The following RASAL2 variants were observed in gnomAD, a reference collection of about 807,000 sequenced individuals.
The protein encoded by RASAL2 is ras GTPase-activating protein nGAP.
RASAL2 carries 58 observed loss-of-function variants against 128.9 expected under a neutral mutation model. The observed-to-expected ratio is 0.45, with a 90% CI of 0.36 to 0.56. The LOEUF (loss-of-function observed/expected upper bound fraction) is 0.56. Ranked by LOEUF, RASAL2 falls within the 20% of genes least tolerant of loss-of-function variation. RASAL2 has a pLI of 0.00. For missense variants in RASAL2, 1,360 were observed against 1,601.6 expected, an observed-to-expected ratio of 0.85 and a Z score of 2.57; for synonymous variants, 561 against 580.8, an observed-to-expected ratio of 0.97 and a Z score of 0.49.
intron 1 of RASAL2, among the ~76,000 whole-genome samples, chr1:178,211,913 T>C (rs1663268920): frequency 6.6e-6 from 1 of 152,226 alleles, no homozygotes; most frequent in Non-Finnish European, 1.5e-5. Context: ...GAATGCATTG[T>C]TTTTTATCCC....
intron 3 of RASAL2, among the ~76,000 whole-genome samples, chr1:178,334,545 G>A (rs745682391): frequency 1.3e-5 from 2 of 151,948 alleles, no homozygotes; most frequent in African/African-American, 4.8e-5. Context: ...GGTTCACCAT[G>A]TTGGCCAGGC....
At chr1:178,358,134 A>T (rs1670904954) in intron 3 of RASAL2, among the ~76,000 whole-genome samples, 1 of 150,670 alleles carries the variant, frequency 6.6e-6, no homozygotes, top group Non-Finnish European at 1.5e-5. Flanking sequence ...TACTCAGGAG[A>T]CCAAGGCACA....
chr1:178,404,225 CA>C (rs547639078), intron 4 of RASAL2, among the ~76,000 whole-genome samples: 5,456 of 57,126 alleles, frequency 0.096, 67 homozygotes, highest in Non-Finnish European at 0.13. Flanking sequence ...GACCCCGTCT[CA>C]AAAAAAAAAA....
intron 3 of RASAL2, among the ~76,000 whole-genome samples, chr1:178,300,582 A>G (rs1244893544): frequency 1.3e-5 from 2 of 152,218 alleles, no homozygotes; most frequent in Non-Finnish European, 2.9e-5. Context: ...TGCATGTCTC[A>G]TAAAAGTCAT....
intron 1 of RASAL2, among the ~76,000 whole-genome samples, chr1:178,229,477 C>CTT (rs575547698): frequency 6.9e-6 from 1 of 145,072 alleles, no homozygotes. Flanking sequence ...TTTTGTAGAA[C>CTT]TTTTTTTTTT....
chr1:178,288,646 T>C (rs1460412623), intron 2 of RASAL2, among the ~76,000 whole-genome samples: 71 of 101,786 alleles, frequency 7.0e-4, no homozygotes, highest in African/African-American at 2.8e-3. Flanking sequence ...CTCTCTCTTT[T>C]TTTTTTTTTT....
intron 16 of RASAL2, among the ~76,000 whole-genome samples, chr1:178,466,893 A>G (rs1445346064): frequency 1.3e-5 from 2 of 152,226 alleles, no homozygotes; most frequent in African/African-American, 2.4e-5. Context: ...TTAAACATCA[A>G]TGAGTTAAGA....
In RASAL2 at chr1:178,470,742, C is replaced by G. The variant is rs149343698; in HGVS notation, c.3679-2333C>G. The G allele has an allele frequency of 1.2e-3, 1,665 of 1,364,118 alleles. 13 individuals are homozygous for G. The African/African-American group carries it at 0.022, about 18-fold the overall frequency. 84.5% of individuals were successfully genotyped at this position (1,364,118 alleles called of 1,614,324 possible). A position where few individuals can be genotyped will look rare whatever the true frequency, so the allele number is the denominator to read the frequency against. ...CAAACAGGCAAGTAAACCCCGCGTC[C>G]GTTCTCTAGCTGAGCAGTTCCCAGC... On this transcript the variant is annotated intron_variant, in intron 17 of 17. Transcript: ENST00000367649.
intron 1 of RASAL2, among the ~76,000 whole-genome samples, chr1:178,135,531 C>T (rs954747908): frequency 7.2e-6 from 1 of 138,846 alleles, no homozygotes; most frequent in East Asian, 2.1e-4. Flanking sequence ...TTTCCGAATA[C>T]GTAGTAGCTG....
At chr1:178,277,201 G>A (rs1286867115) in intron 1 of RASAL2, among the ~76,000 whole-genome samples, 1 of 146,446 alleles carries the variant, frequency 6.8e-6, no homozygotes, top group Admixed American at 6.8e-5. Context: ...CTATTAATAT[G>A]ATATTAAACA....
chr1:178,420,310 C>T (rs993084424), intron 4 of RASAL2, among the ~76,000 whole-genome samples: 6 of 152,216 alleles, frequency 3.9e-5, no homozygotes, highest in Non-Finnish European at 8.8e-5. Flanking sequence ...TTAGTTATCC[C>T]AATTCTCACA....
intron 2 of RASAL2, among the ~76,000 whole-genome samples, chr1:178,296,223 G>A (rs1191148502): frequency 6.6e-6 from 1 of 151,726 alleles, no homozygotes; most frequent in East Asian, 1.9e-4. Flanking sequence ...TGATTTTCCT[G>A]GATGGTTTGA....
chr1:178,332,613 C>CTT (rs72401422), intron 3 of RASAL2, among the ~76,000 whole-genome samples: 7 of 136,124 alleles, frequency 5.1e-5, no homozygotes, highest in Admixed American at 7.2e-5. Context: ...GTCTCCAATT[C>CTT]TTTTTTTTTT....
At chr1:178,108,383 A>C (rs576669611) in intron 1 of RASAL2, among the ~76,000 whole-genome samples, 1 of 152,318 alleles carries the variant, frequency 6.6e-6, no homozygotes, top group Non-Finnish European at 1.5e-5. Context: ...GACAGTCATG[A>C]GCATGATGAT....
intron 1 of RASAL2, among the ~76,000 whole-genome samples, chr1:178,281,999 A>G (rs1666803740): frequency 1.3e-5 from 2 of 152,218 alleles, no homozygotes; most frequent in South Asian, 4.1e-4. Context: ...ATGCAGTTCT[A>G]ACATAAAATA....
chr1:178,223,264 T>C (rs889182364), intron 1 of RASAL2, among the ~76,000 whole-genome samples: 1 of 152,164 alleles, frequency 6.6e-6, no homozygotes, highest in Non-Finnish European at 1.5e-5. Context: ...CGAGGAAATA[T>C]ACAATTACAA....
At chr1:178,263,689 C>T (rs184373684) in intron 1 of RASAL2, among the ~76,000 whole-genome samples, 3 of 151,950 alleles carry the variant, frequency 2.0e-5, no homozygotes, top group Admixed American at 1.3e-4. Context: ...CTTTGCCAAA[C>T]GTTTGTGGTT....
intron 9 of RASAL2, among the ~76,000 whole-genome samples, chr1:178,450,071 A>G (rs1000649435): frequency 3.9e-5 from 6 of 152,120 alleles, no homozygotes; most frequent in Non-Finnish European, 7.4e-5. Flanking sequence ...AGACATAGAG[A>G]ACATATTGAC....
intron 1 of RASAL2, among the ~76,000 whole-genome samples, chr1:178,097,814 C>T (rs1658746386): frequency 6.6e-6 from 1 of 152,082 alleles, no homozygotes; most frequent in East Asian, 1.9e-4. Context: ...TTTTGAGTTT[C>T]TTGTTGACAG....
Sources: gnomAD v4.1 joint callset for allele counts (sites outside exome capture counted in the v4.1 genomes callset) on GRCh38, gnomAD v4.1.1 for gene constraint, MANE v1.5 for transcripts, NCBI Gene and HGNC (gene_info 2026-07-23, HGNC 2026-07-21) for gene names.